Variants in MCM10 observed in about 807,000 individuals in gnomAD.
The protein encoded by MCM10 is minichromosome maintenance 10 replication initiation factor, also known as protein MCM10 homolog.
Under a neutral mutation model 109.9 loss-of-function variants are expected in MCM10, and 91 were observed. The ratio of observed to expected loss-of-function variants is 0.83; its 90% CI spans 0.70 to 0.99. MCM10 has a LOEUF of 0.99. Among genes scored for constraint, MCM10 ranks in the 50% least tolerant of loss-of-function variants. The pLI is 0.00. For missense variants in MCM10, 1,077 were observed against 1,061.2 expected (o/e 1.01, Z -0.21); for synonymous variants, 380 against 387.2 (o/e 0.98, Z 0.22).
intron 15 of MCM10, among the ~76,000 whole-genome samples, chr10:13,198,207 T>C (rs892172394): frequency 2.0e-5 from 3 of 152,134 alleles, no homozygotes; most frequent in Non-Finnish European, 4.4e-5. Context: ...CTGGAACTGA[T>C]TTTTTTATAA....
chr10:13,173,544 G>A (rs1297452287), intron 5 of MCM10, among the ~76,000 whole-genome samples: 1 of 152,202 alleles, frequency 6.6e-6, no homozygotes, highest in East Asian at 1.9e-4. Flanking sequence ...TTCTTTTATT[G>A]CCGGGAGACC....
rs1044612662 is a variant in MCM10 at position 13,182,306 on chromosome 10, T to G, written c.931-627T>G. Among the ~76,000 whole-genome samples, 1 of 151,850 alleles carries G rather than the reference T, an allele frequency of 6.6e-6. No individual in the cohort carries two copies. Among genetic ancestry groups the G allele is most frequent in the South Asian group, 2.1e-4 (1 of 4,800 alleles). Reference sequence around the variant, plus strand: ...CTGGGCAACATAGTGAGACCTCATCTCTATGAAAAGAAAAAAAAAATTAGC... The same window carrying G: ...CTGGGCAACATAGTGAGACCTCATCGCTATGAAAAGAAAAAAAAAATTAGC... On this transcript the variant is annotated intron_variant, in intron 7 of 19. Coordinates refer to ENST00000378714, the MANE Select transcript of MCM10 (RefSeq NM_018518.5). This position sits in a 1 kb window ranked among gnomAD's most constrained non-coding sequence, Gnocchi z 4.2.
intron 6 of MCM10, among the ~76,000 whole-genome samples, chr10:13,180,155 G>A (rs1361472483): frequency 3.3e-5 from 5 of 152,084 alleles, no homozygotes; most frequent in Admixed American, 2.6e-4. Context: ...GGAGGCTGAG[G>A]CAGGAGAATC....
At chr10:13,169,545 G>A (rs1476331932) in intron 2 of MCM10, among the ~76,000 whole-genome samples, 1 of 152,146 alleles carries the variant, frequency 6.6e-6, no homozygotes, top group African/African-American at 2.4e-5. Context: ...AGAAACACAT[G>A]TGCGAGAAGA....
At chr10:13,188,510 A>T (rs1257867646) in intron 9 of MCM10, among the ~76,000 whole-genome samples, 4 of 152,092 alleles carry the variant, frequency 2.6e-5, no homozygotes, top group African/African-American at 7.2e-5. Context: ...GTCTCTATGG[A>T]TTTGCCTCTT....
intron 2 of MCM10, among the ~76,000 whole-genome samples, chr10:13,168,500 A>G (rs1834030820): frequency 6.6e-6 from 1 of 151,582 alleles, no homozygotes; most frequent in South Asian, 2.1e-4. Flanking sequence ...ACCCTCTCAT[A>G]CTCTAGCCCC....
rs546363735 is a variant in MCM10 at position 13,175,240 on chromosome 10, C to A, written c.593-270C>A. Among the ~76,000 whole-genome samples the A allele has an allele frequency of 7.2e-5, 11 of 152,214 alleles. No homozygotes were observed. The South Asian group carries it at 1.0e-3, about 14-fold the overall frequency. On this transcript the variant is annotated intron_variant, in intron 5 of 19. Coordinates refer to ENST00000378714, the MANE Select transcript of MCM10 (RefSeq NM_018518.5). ...CTTGGGCTCAGGGGTTTGAGACCAG[C>A]CTGGGCAACATGGCAAAACCCGTCT... is the stretch of plus-strand genomic sequence containing the variant.
chr10:13,164,369 T>G (rs916535690), intron 2 of MCM10, among the ~76,000 whole-genome samples, 160 bp downstream of exon 2: 2 of 152,236 alleles, frequency 1.3e-5, no homozygotes, highest in African/African-American at 4.8e-5. Context: ...CAGAGGTCAC[T>G]GAATGTTACT....
intron 5 of MCM10, among the ~76,000 whole-genome samples, chr10:13,175,259 C>T (rs1834125637): frequency 6.6e-6 from 1 of 152,070 alleles, no homozygotes; most frequent in Non-Finnish European, 1.5e-5. Flanking sequence ...CATGGCAAAA[C>T]CCGTCTCTAC....
intron 14 of MCM10, 97 bp from the exon 15 acceptor site, chr10:13,197,526 C>T: frequency 9.0e-7 from 1 of 1,107,726 alleles, no homozygotes; most frequent in South Asian, 1.6e-5. Context: ...AGAGAACAGC[C>T]AGAATTCACT....
chr10:13,192,956 G>T (rs1460705416), intron 13 of MCM10, among the ~76,000 whole-genome samples: 1 of 151,922 alleles, frequency 6.6e-6, no homozygotes, highest in Non-Finnish European at 1.5e-5. Flanking sequence ...TGCAGTGTCG[G>T]CTCACTGCAA....
intron 2 of MCM10, among the ~76,000 whole-genome samples, chr10:13,165,188 C>T (rs1358524886): frequency 6.6e-6 from 1 of 152,060 alleles, no homozygotes; most frequent in East Asian, 1.9e-4. Context: ...ATGAATTAGG[C>T]ACAGTGAGAG....
intron 13 of MCM10, among the ~76,000 whole-genome samples, chr10:13,194,478 A>C (rs1338975847): frequency 1.3e-5 from 2 of 152,220 alleles, no homozygotes; most frequent in East Asian, 3.8e-4. Flanking sequence ...CCTGGGAGGC[A>C]GAGGTTGCAG....
rs776840094 is a variant in MCM10 at position 13,197,640 on chromosome 10, A to G, written c.1992A>G (p.Lys664=). ...TTTTCTAGTTAGCTGCTATCACCAA[A>G]TTAAGGGCAAAAGGCCAGGTTCTTA... is the stretch of plus-strand genomic sequence containing the variant. ...AEAKKLAAIT[K]LRAKGQVLTK... is the part of the protein sequence containing the mutation. Residue 664 remains lysine, a synonymous_variant, in exon 15 of 20, where the codon AAA becomes AAG. Coordinates refer to ENST00000378714, the MANE Select transcript of MCM10 (RefSeq NM_018518.5). 6.2e-7 allele frequency: 1 copy of G among 1,613,408 alleles called. No homozygotes were observed.
At chr10:13,205,936 C>A (rs752367334) in intron 18 of MCM10, among the ~76,000 whole-genome samples, 1 of 152,192 alleles carries the variant, frequency 6.6e-6, no homozygotes, top group African/African-American at 2.4e-5. Context: ...ACGATGGCAC[C>A]TCTGGAGCTG....
intron 18 of MCM10, among the ~76,000 whole-genome samples, chr10:13,208,382 G>A (rs765154023): frequency 5.9e-5 from 9 of 151,596 alleles, no homozygotes. Context: ...AGTGAACCCT[G>A]TCTCTAAAAA....
rs1383828335 is a variant in MCM10 at position 13,204,774 on chromosome 10, G to GAAGACAGTATCCAAGGGGCAGT, written c.2498+410_2498+411insAAGACAGTATCCAAGGGGCAGT. 9.9e-5 allele frequency among the ~76,000 whole-genome samples: 15 copies of GAAGACAGTATCCAAGGGGCAGT among 151,966 alleles called. 1 individual carries two copies. Among genetic ancestry groups the GAAGACAGTATCCAAGGGGCAGT allele is most frequent in the African/African-American group, 3.4e-4 (14 of 41,372 alleles). On this transcript the variant is annotated intron_variant, in intron 18 of 19. Transcript: ENST00000378714. ...TGTTCTTCAGTATCCAAGGGGCATT[G>GAAGACAGTATCCAAGGGGCAGT]GTCCCAGGACAGCACTCTTCCCCAC... is the stretch of plus-strand genomic sequence containing the variant.
chr10:13,200,354 G>A (rs1834481181), intron 16 of MCM10, among the ~76,000 whole-genome samples: 1 of 152,156 alleles, frequency 6.6e-6, no homozygotes, highest in African/African-American at 2.4e-5. Flanking sequence ...TGCAGACAGT[G>A]CAGCACCCCG....
intron 10 of MCM10, among the ~76,000 whole-genome samples, chr10:13,189,713 C>T (rs903248900): frequency 7.9e-5 from 12 of 152,176 alleles, no homozygotes; most frequent in Non-Finnish European, 2.9e-5. Flanking sequence ...AATTATTTCT[C>T]GTATGACTAT....
Sources: gnomAD v4.1 joint callset for allele counts (sites outside exome capture counted in the v4.1 genomes callset) on GRCh38, gnomAD v4.1.1 for gene constraint, Gnocchi (gnomAD v3.1) non-coding constraint, MANE v1.5 for transcripts, NCBI Gene and HGNC (gene_info 2026-07-23, HGNC 2026-07-21) for gene names.